The following SGCD variants were observed in gnomAD, a reference collection of about 807,000 sequenced individuals.
SGCD encodes the protein sarcoglycan delta.
SGCD carries 18 observed loss-of-function variants against 36.6 expected under a neutral mutation model. The observed-to-expected ratio is 0.49, with a 90% CI of 0.34 to 0.73. SGCD has a LOEUF of 0.73. SGCD is among the 30% of genes least tolerant of loss of function. The pLI is 0.01. For missense variants in SGCD, 387 were observed against 346.7 expected, an observed-to-expected ratio of 1.12 and a Z score of -0.92; for synonymous variants, 133 against 130.6, an observed-to-expected ratio of 1.02 and a Z score of -0.12.
chr5:156,251,583 C>T (rs146342570), intron 3 of SGCD, among the ~76,000 whole-genome samples: 4,532 of 151,422 alleles, frequency 0.03, 116 homozygotes, highest in African/African-American at 0.06. Flanking sequence ...GGTGCCATCT[C>T]GGCTCACTGC....
intron 3 of SGCD, among the ~76,000 whole-genome samples, chr5:156,449,805 A>C (rs7713835): frequency 1.4e-5 from 2 of 144,934 alleles, no homozygotes; most frequent in South Asian, 4.4e-4. Context: ...TGAGCCAAGA[A>C]TGCGCCACTG....
intron 3 of SGCD, among the ~76,000 whole-genome samples, chr5:156,262,590 A>G (rs1765896031): frequency 6.6e-6 from 1 of 151,922 alleles, no homozygotes; most frequent in Non-Finnish European, 1.5e-5. Context: ...TGGTTACATG[A>G]GTAAGTTCTT....
intron 3 of SGCD, among the ~76,000 whole-genome samples, chr5:156,147,488 A>C (rs1402929915): frequency 4.6e-5 from 7 of 152,188 alleles, no homozygotes; most frequent in African/African-American, 1.7e-4. Context: ...TTACAGCAAT[A>C]ACCACATTTT....
chr5:156,087,029 A>G (rs1287650620), intron 1 of SGCD, among the ~76,000 whole-genome samples: 5 of 152,192 alleles, frequency 3.3e-5, no homozygotes, highest in African/African-American at 1.2e-4. Context: ...TTGTAATACA[A>G]GGGTTGCAAG....
Position 156,759,384 on chromosome 5 carries a change from C to A in SGCD, c.867C>A (p.Cys289Ter). 1 of 1,605,818 alleles carries A rather than the reference C, an allele frequency of 6.2e-7. No homozygotes were observed. The change falls in exon 9 of 9, where the codon TGC becomes TGA. Residue 289 changes from cysteine to a stop codon, truncating the protein, a stop_gained. Coordinates refer to ENST00000337851, the MANE Select transcript of SGCD (RefSeq NM_000337.6). LOFTEE classifies it high-confidence loss of function. Reference protein sequence around the residue: ...GSTCQINTSVCL With the variant: ...GSTCQINTSV ...CTTGTCAGATAAACACAAGTGTCTG[C>A]CTCTGAAAGACTATCCATAGTGGAC...
intron 3 of SGCD, among the ~76,000 whole-genome samples, chr5:156,482,219 T>A (rs1416922996): frequency 6.6e-6 from 1 of 151,970 alleles, no homozygotes; most frequent in African/African-American, 2.4e-5. Context: ...GCCTGAAAGA[T>A]CACTATGATT....
chr5:156,652,747 G>A (rs1763509414), intron 7 of SGCD, among the ~76,000 whole-genome samples: 2 of 152,008 alleles, frequency 1.3e-5, no homozygotes, highest in South Asian at 2.1e-4. Flanking sequence ...TATATTTGGG[G>A]GGTATGTTCT....
intron 3 of SGCD, among the ~76,000 whole-genome samples, chr5:156,199,496 A>G (rs1469460670): frequency 6.6e-6 from 1 of 152,134 alleles, no homozygotes; most frequent in Admixed American, 6.6e-5. Flanking sequence ...ACCAACCTCA[A>G]ACTCCATTGT....
intron 1 of SGCD, among the ~76,000 whole-genome samples, chr5:156,116,547 A>G (rs1487299016): frequency 1.3e-5 from 2 of 152,174 alleles, no homozygotes; most frequent in Non-Finnish European, 2.9e-5. Context: ...CAATGTACGG[A>G]GATAAAGAAC....
Position 156,762,005 on chromosome 5 carries a change from A to G in SGCD, c.*2615A>G, listed in dbSNP as rs1320076188. 6.6e-6 allele frequency: 1 copy of G among 152,630 alleles called. No individual in the cohort carries two copies. The highest frequency in any genetic ancestry group is 2.4e-5 in the African/African-American group (1 of 41,460). 9.5% of individuals were successfully genotyped at this position (152,630 alleles called of 1,614,324 possible). On this transcript the variant is annotated 3_prime_UTR_variant, in exon 9 of 9. Coordinates refer to ENST00000337851, the MANE Select transcript of SGCD (RefSeq NM_000337.6). ...TTTTGTTCAGATTTTGGAAATTGGTATGCATTATAAGTTTCTCAATGTACA... is the reference window on the plus strand; with the variant it reads ...TTTTGTTCAGATTTTGGAAATTGGTGTGCATTATAAGTTTCTCAATGTACA...
the SGCD span, among the ~76,000 whole-genome samples, chr5:155,782,368 T>C: frequency 2.6e-5 from 4 of 152,026 alleles, no homozygotes; most frequent in Non-Finnish European, 5.9e-5. Context: ...TCATGAAAGA[T>C]TCCATTTTAA....
At chr5:156,312,079 C>A (rs1162680949) in intron 3 of SGCD, among the ~76,000 whole-genome samples, 1 of 152,210 alleles carries the variant, frequency 6.6e-6, no homozygotes, top group African/African-American at 2.4e-5. Flanking sequence ...TACCCAGTAT[C>A]ACAGGAAGGC....
chr5:156,536,399 A>C (rs1758113574), intron 4 of SGCD, among the ~76,000 whole-genome samples: 1 of 152,182 alleles, frequency 6.6e-6, no homozygotes, highest in Non-Finnish European at 1.5e-5. Context: ...GGCAGCCCCC[A>C]TTGTGAACTC....
At chr5:155,998,054 T>G (rs1205518848) in intron 1 of SGCD, among the ~76,000 whole-genome samples, 2 of 152,234 alleles carry the variant, frequency 1.3e-5, no homozygotes, top group African/African-American at 4.8e-5. Flanking sequence ...AGGGACTGCC[T>G]CTAGGTAGGA....
At position 156,269,401 on chromosome 5, in the gene SGCD, C is replaced by T. The variant is rs1029541283; in HGVS notation, c.-43-60133C>T. On this transcript the variant is annotated intron_variant, in intron 3 of 9. Transcript: ENST00000517913. ...AGGAGAATGGCGTGAACCTGGGAGG[C>T]GGAGCCTGCAGTGAGCCAAGATCAT... 7.6e-5 allele frequency among the ~76,000 whole-genome samples: 10 copies of T among 130,772 alleles called. No homozygotes were observed. In the South Asian group the frequency reaches 1.0e-3, roughly 14 times the overall value. 85.8% of individuals were successfully genotyped at this position (130,772 alleles called of 152,430 possible). A position where few individuals can be genotyped will look rare whatever the true frequency, so the allele number is the denominator to read the frequency against.
chr5:156,704,819 C>T (rs1184378308), intron 7 of SGCD, among the ~76,000 whole-genome samples: 1 of 151,388 alleles, frequency 6.6e-6, no homozygotes, highest in African/African-American at 2.4e-5. Context: ...TTTTTAAATT[C>T]AGCTAATAAT....
intron 3 of SGCD, among the ~76,000 whole-genome samples, chr5:156,421,921 G>A (rs1456526751): frequency 6.6e-6 from 1 of 152,068 alleles, no homozygotes; most frequent in African/African-American, 2.4e-5. Flanking sequence ...GGAAATTACA[G>A]AGATAAATAC....
chr5:156,189,222 G>A (rs1473446496), intron 3 of SGCD, among the ~76,000 whole-genome samples: 1 of 152,158 alleles, frequency 6.6e-6, no homozygotes, highest in Non-Finnish European at 1.5e-5. Flanking sequence ...TGAAGAGTAC[G>A]TGCTAGTGAC....
At chr5:156,721,222 C>CAGAAGATGTCAGTAT (rs1424860061) in intron 7 of SGCD, among the ~76,000 whole-genome samples, 10 of 152,130 alleles carry the variant, frequency 6.6e-5, no homozygotes, top group African/African-American at 2.4e-4. Context: ...GAGTTCAAGG[C>CAGAAGATGTCAGTAT]AGAAGATGTC....
Sources: gnomAD v4.1 joint callset for allele counts (sites outside exome capture counted in the v4.1 genomes callset) on GRCh38, gnomAD v4.1.1 for gene constraint, MANE v1.5 for transcripts, NCBI Gene and HGNC (gene_info 2026-07-23, HGNC 2026-07-21) for gene names.